The following DLC1 variants were observed in gnomAD, a reference collection of about 807,000 sequenced individuals.
The protein encoded by DLC1 is rho GTPase-activating protein 7.
A neutral mutation model predicts 140.3 loss-of-function variants in DLC1; 54 were observed. The ratio of observed to expected loss-of-function variants is 0.38; its 90% confidence interval spans 0.31 to 0.48. The LOEUF (loss-of-function observed/expected upper bound fraction) is 0.48, where lower values mean the gene tolerates loss of function less well. DLC1 is among the 20% of genes least tolerant of loss of function. The probability of loss-of-function intolerance (pLI) is 0.96; values close to 1 mark genes in which losing one functional copy is unlikely to be tolerated. For missense variants in DLC1, 2,536 were observed against 1,907.0 expected, an observed-to-expected ratio of 1.33 and a Z score of -6.14; for synonymous variants, 986 against 728.1, an observed-to-expected ratio of 1.35 and a Z score of -5.70.
rs184032075 is a variant in DLC1, at chr8:13,567,331, G to T, written c.-126+37206C>A. On this transcript the variant is annotated intron_variant, in intron 1 of 1. Coordinates refer to the DLC1 transcript ENST00000631382. The stretch of plus-strand genomic sequence containing the variant: ...CAAACTTCCAACAGAAATCACTCGG[G>T]TATCAGATGAAGAATTGAATGCCCT... 3,653 of 1,551,636 alleles carry T rather than the reference G, an allele frequency of 2.4e-3. 5 individuals are homozygous for T. Among genetic ancestry groups the T allele is most frequent in the Non-Finnish European group, 3.0e-3 (3,438 of 1,146,992 alleles).
chr8:13,468,401 C>T (rs1438965754), intron 2 of DLC1, among the ~76,000 whole-genome samples: 2 of 133,976 alleles, frequency 1.5e-5, no homozygotes, highest in Non-Finnish European at 3.1e-5. Flanking sequence ...GAGGCCCAGG[C>T]TGGAGTCTGG....
intron 5 of DLC1, among the ~76,000 whole-genome samples, chr8:13,183,229 G>T (rs970405232): frequency 6.6e-6 from 1 of 152,182 alleles, no homozygotes; most frequent in Non-Finnish European, 1.5e-5. Context: ...AGATGATGGG[G>T]TTTTCTAAAT....
chr8:13,338,651 T>C (rs1586161875), intron 4 of DLC1: 1 of 152,156 alleles, frequency 6.6e-6, no homozygotes, highest in African/African-American at 2.4e-5. Context: ...GAAGTCTATT[T>C]CCCATGTCCC....
intron 1 of DLC1, among the ~76,000 whole-genome samples, chr8:13,520,263 C>T (rs1328658674): frequency 6.6e-6 from 1 of 152,156 alleles, no homozygotes; most frequent in Non-Finnish European, 1.5e-5. Flanking sequence ...GAAAATGTGG[C>T]ACATATACAC....
intron 1 of DLC1, 33 bp from the exon 2 acceptor site, chr8:13,500,229 A>G: frequency 1.6e-6 from 1 of 617,426 alleles, no homozygotes; most frequent in Middle Eastern, 4.4e-4. Flanking sequence ...ATGTAGTCGC[A>G]GATACGTTTC....
intron 4 of DLC1, among the ~76,000 whole-genome samples, chr8:13,370,864 G>A (rs1004815510): frequency 6.6e-6 from 1 of 152,122 alleles, no homozygotes; most frequent in African/African-American, 2.4e-5. Context: ...AGCTTAGGAC[G>A]AGTGGATCCC....
intron 5 of DLC1, among the ~76,000 whole-genome samples, chr8:13,243,080 A>G (rs560536870): frequency 6.6e-6 from 1 of 151,990 alleles, no homozygotes; most frequent in South Asian, 2.1e-4. Context: ...GCTTGAGGTC[A>G]GGAGTTCAAG....
intron 10 of DLC1, 53 bp downstream of exon 10, chr8:13,098,346 C>T (rs1280827146): frequency 6.2e-7 from 1 of 1,600,326 alleles, no homozygotes; most frequent in African/African-American, 1.3e-5. Context: ...CCTCAAGGAA[C>T]TGACCAAAAA....
chr8:13,594,224 A>G (rs1319847878), intron 1 of DLC1, among the ~76,000 whole-genome samples: 1 of 152,096 alleles, frequency 6.6e-6, no homozygotes, highest in African/African-American at 2.4e-5. Context: ...GAATAAACAA[A>G]TATAAGACTG....
At chr8:13,360,425 A>G (rs977458080) in intron 4 of DLC1, among the ~76,000 whole-genome samples, 1 of 152,190 alleles carries the variant, frequency 6.6e-6, no homozygotes, top group Non-Finnish European at 1.5e-5. Flanking sequence ...AGGGTTGCAA[A>G]CCATTGATCT....
At chr8:13,266,432 G>A (rs1830690883) in intron 5 of DLC1, among the ~76,000 whole-genome samples, 1 of 152,098 alleles carries the variant, frequency 6.6e-6, no homozygotes. Context: ...ACTCTATCCT[G>A]GGAAGTTCTG....
intron 5 of DLC1, among the ~76,000 whole-genome samples, chr8:13,259,602 T>A (rs1027546331): frequency 1.3e-5 from 2 of 152,178 alleles, no homozygotes; most frequent in African/African-American, 4.8e-5. Flanking sequence ...CTGTCTTATT[T>A]CCTTCATTTC....
At chr8:13,505,667 G>A (rs771069136) in intron 1 of DLC1, among the ~76,000 whole-genome samples, 6 of 152,056 alleles carry the variant, frequency 3.9e-5, no homozygotes, top group South Asian at 2.1e-4. Context: ...TCTCATGTAC[G>A]TAGCAAAGAA....
At chr8:13,312,875 GC>G (rs1318978387) in intron 4 of DLC1, among the ~76,000 whole-genome samples, 4 of 152,060 alleles carry the variant, frequency 2.6e-5, no homozygotes, top group African/African-American at 9.7e-5. Context: ...AGACATGTAG[GC>G]TGATTTCCAG....
chr8:13,602,247 TAGA>T (rs1482598674), intron 1 of DLC1, among the ~76,000 whole-genome samples: 4 of 151,762 alleles, frequency 2.6e-5, no homozygotes, highest in Non-Finnish European at 4.4e-5. Context: ...GGAAAAGAGA[TAGA>T]AGAAGAACTT....
intron 1 of DLC1, among the ~76,000 whole-genome samples, chr8:13,594,083 T>A (rs1805608059): frequency 6.6e-6 from 1 of 151,832 alleles, no homozygotes; most frequent in Non-Finnish European, 1.5e-5. Flanking sequence ...ATCGCTTGAG[T>A]CCAGGAAGTT....
intron 2 of DLC1, among the ~76,000 whole-genome samples, chr8:13,443,461 C>A (rs1313753167): frequency 6.6e-6 from 1 of 150,886 alleles, no homozygotes; most frequent in Non-Finnish European, 1.5e-5. Flanking sequence ...AGATCGAGAC[C>A]ATCCTGGCTA....
chr8:13,297,781 C>T (rs1054996839), intron 5 of DLC1, among the ~76,000 whole-genome samples: 4 of 152,146 alleles, frequency 2.6e-5, no homozygotes, highest in Non-Finnish European at 4.4e-5. Context: ...GAGCGTGGCT[C>T]AGAGTGGATA....
chr8:13,123,986 G>A (rs554864317), intron 5 of DLC1, among the ~76,000 whole-genome samples: 1 of 152,192 alleles, frequency 6.6e-6, no homozygotes, highest in East Asian at 1.9e-4. Flanking sequence ...ACACATTCAT[G>A]CATATAAACA....
Sources: gnomAD v4.1 joint callset for allele counts (sites outside exome capture counted in the v4.1 genomes callset) on GRCh38, gnomAD v4.1.1 for gene constraint, MANE v1.5 for transcripts, NCBI Gene and HGNC (gene_info 2026-07-23, HGNC 2026-07-21) for gene names.